KIF26A: variants seen among roughly 807,000 people sequenced by gnomAD.
The protein encoded by KIF26A is kinesin-like protein KIF26A.
A neutral mutation model predicts 126.0 loss-of-function variants in KIF26A; 74 were observed. The observed-to-expected ratio is 0.59, with a 90% confidence interval of 0.49 to 0.71. KIF26A has a LOEUF of 0.71. KIF26A is among the 30% of genes least tolerant of loss of function. The probability of loss-of-function intolerance (pLI) is 0.00; values close to 1 mark genes in which losing one functional copy is unlikely to be tolerated. For synonymous variants in KIF26A, 1,445 were observed against 1,232.7 expected (o/e 1.17, Z -3.61); for missense variants, 2,984 against 2,763.3 (o/e 1.08, Z -1.79).
rs1186665963 is a variant in KIF26A, at chr14:104,139,194, GC to G, written c.195del (p.Gly66GlufsTer142). On this transcript the variant is annotated frameshift_variant, in exon 2 of 15. Transcript: ENST00000423312. LOFTEE classifies it high-confidence loss of function. ...GGCCCAGAGCAGGGCCACTCGGCCG[GC>G]GGAGGCGGCTGGTGCCGCCACTGCC... Reference protein sequence around the residue: ...GAGPEQGHSAGGGGWCRHCHT... With the variant: ...GAGPEQGHSAXGGGWCRHCHT... 1 of 1,548,000 alleles carries G rather than the reference GC, an allele frequency of 6.5e-7. No individual in the cohort carries two copies. Among genetic ancestry groups the G allele is most frequent in the Non-Finnish European group, 8.7e-7 (1 of 1,147,212 alleles).
Position 104,175,384 on chromosome 14 carries a change from G to A in KIF26A, c.2596G>A (p.Gly866Arg), listed in dbSNP as rs779918856. Residue 866 changes from glycine to arginine, a missense_variant, in exon 12 of 15, where the codon GGA (glycine) becomes AGA (arginine). Gly to Arg is a moderately radical substitution (Grantham distance 125). Transcript: ENST00000423312. ...CTCAGGAGGTCCAGGTGGCACCGAC[G>A]GAGCTCAGGCCAGCCCCGCCCGAGG... ...GPSGGPGGTDGAQASPARGGR... is the reference protein window; with the variant it reads ...GPSGGPGGTDRAQASPARGGR... 2.9e-5 allele frequency: 46 copies of A among 1,597,978 alleles called. No individual in the cohort carries two copies. Among genetic ancestry groups the A allele is most frequent in the Admixed American group, 2.7e-4 (16 of 59,550 alleles).
At chr14:104,165,551 G>C (rs1329854594) in intron 4 of KIF26A, among the ~76,000 whole-genome samples, 1 of 147,538 alleles carries the variant, frequency 6.8e-6, no homozygotes, top group Admixed American at 6.7e-5. Context: ...ATGCGTGTGT[G>C]TGTGTCTGTG....
In KIF26A at chr14:104,151,055, T is replaced by TG. The variant is rs1425904604; in HGVS notation, c.289-956dup. Among the ~76,000 whole-genome samples, 1 of 151,994 alleles carries TG rather than the reference T, an allele frequency of 6.6e-6. No homozygotes were observed. Among genetic ancestry groups the TG allele is most frequent in the Non-Finnish European group, 1.5e-5 (1 of 67,964 alleles). On this transcript the variant is annotated intron_variant, in intron 2 of 14. Coordinates refer to ENST00000423312, the MANE Select transcript of KIF26A (RefSeq NM_015656.2). The surrounding 1 kb of genome is among the most constrained non-coding windows in gnomAD (Gnocchi z 4.9). ...AAGGAGGGGCAAGGCCAGAGCCTGG[T>TG]GGGGTGGTGAGGGACACGGGTGGGC...
intron 10 of KIF26A, 120 bp downstream of exon 10, chr14:104,173,988 C>G (rs1463633290): frequency 3.5e-6 from 5 of 1,411,902 alleles, no homozygotes; most frequent in African/African-American, 2.9e-5. Flanking sequence ...GCTCCTCCAC[C>G]ACCTGACAGG....
chr14:104,147,924 A>G (rs1444860412), intron 2 of KIF26A, among the ~76,000 whole-genome samples: 1 of 151,944 alleles, frequency 6.6e-6, no homozygotes, highest in Non-Finnish European at 1.5e-5. Context: ...CTTTGTGGAG[A>G]CGGGTGATGG....
At chr14:104,140,842 A>G (rs1394060978) in intron 2 of KIF26A, among the ~76,000 whole-genome samples, 1 of 151,998 alleles carries the variant, frequency 6.6e-6, no homozygotes, top group African/African-American at 2.4e-5. Flanking sequence ...TGGCGCTGGC[A>G]CTCAGCACAC....
In KIF26A at chr14:104,176,637, G is replaced by C. The variant is rs766492490; in HGVS notation, c.3849G>C (p.Val1283=). The part of the protein sequence containing the change: ...AQVMLACAQR[V]VDGCEVAARA... ...TGATGCTAGCCTGTGCCCAGAGAGT[G>C]GTGGACGGGTGTGAGGTGGCAGCCA... The change falls in exon 12 of 15, where the codon GTG becomes GTC. Residue 1283 remains valine (V), a synonymous_variant. Transcript: ENST00000423312. 1 of 1,605,964 alleles carries C rather than the reference G, an allele frequency of 6.2e-7. No individual in the cohort carries two copies. The highest frequency in any genetic ancestry group is 1.1e-5 in the South Asian group (1 of 90,794).
chr14:104,169,209 T>A (rs989098328), intron 5 of KIF26A, among the ~76,000 whole-genome samples: 2 of 152,072 alleles, frequency 1.3e-5, no homozygotes, highest in Non-Finnish European at 2.9e-5. Context: ...AGGTCAGGTG[T>A]GGGCGGTGGT....
chr14:104,140,870 C>A (rs974975656), intron 2 of KIF26A, among the ~76,000 whole-genome samples: 1 of 152,196 alleles, frequency 6.6e-6, no homozygotes. Context: ...CCGGGCTGGT[C>A]TCAGCCAGGG....
chr14:104,157,998 G>C (rs2141100658), intron 4 of KIF26A, 56 bp downstream of exon 4: 12 of 1,437,904 alleles, frequency 8.3e-6, no homozygotes, highest in Non-Finnish European at 1.1e-5. Context: ...GGCCCCGGCT[G>C]TGGGCCCCTG....
Position 104,139,244 on chromosome 14 carries a change from C to T in KIF26A, c.244C>T (p.Arg82Ter), listed in dbSNP as rs1357597845. 1 of 1,555,184 alleles carries T rather than the reference C, an allele frequency of 6.4e-7. No individual in the cohort carries two copies. Among genetic ancestry groups the T allele is most frequent in the Non-Finnish European group, 8.7e-7 (1 of 1,152,666 alleles). ...CCACACGAAGCTGGTGGAGCTCAAGCGACAGGCGTGGAAGCTGGTCAGCGG... is the reference window on the plus strand; with the variant it reads ...CCACACGAAGCTGGTGGAGCTCAAGTGACAGGCGTGGAAGCTGGTCAGCGG... ...HCHTKLVELKRQAWKLVSGPG... is the reference protein window; with the variant it reads ...HCHTKLVELK The change falls in exon 2 of 15, where the codon CGA becomes TGA. Residue 82 changes from arginine (R) to a stop codon, truncating the protein, a stop_gained. Coordinates refer to ENST00000423312, the MANE Select transcript of KIF26A (RefSeq NM_015656.2). LOFTEE classifies it high-confidence loss of function.
intron 5 of KIF26A, among the ~76,000 whole-genome samples, chr14:104,170,056 C>T (rs971673496): frequency 2.6e-5 from 4 of 152,200 alleles, no homozygotes; most frequent in East Asian, 1.9e-4. Context: ...GTTGTGAGCC[C>T]GCTCTGCGAT....
chr14:104,145,853 C>G (rs2037676073), intron 2 of KIF26A, among the ~76,000 whole-genome samples: 1 of 152,222 alleles, frequency 6.6e-6, no homozygotes, highest in South Asian at 2.1e-4. Context: ...TGCTCTCGTC[C>G]CTAGGGCCCC....
At chr14:104,157,732 A>G (rs765361192) in intron 3 of KIF26A, 23 bp from the exon 4 acceptor site, 3 of 1,605,724 alleles carry the variant, frequency 1.9e-6, no homozygotes, top group Non-Finnish European at 2.5e-6. Context: ...CGTTCCTTAT[A>G]CGCACTCTCT....
At chr14:104,142,140 A>G (rs1370287167) in intron 2 of KIF26A, among the ~76,000 whole-genome samples, 1 of 152,012 alleles carries the variant, frequency 6.6e-6, no homozygotes, top group African/African-American at 2.4e-5. Flanking sequence ...TCCCTGTGGC[A>G]TGGATAAGAC....
At chr14:104,179,468 C>G in intron 14 of KIF26A, 82 bp downstream of exon 14, 2 of 1,430,468 alleles carry the variant, frequency 1.4e-6, no homozygotes, top group Non-Finnish European at 1.8e-6. Context: ...CCCTGTTGCT[C>G]TCCTGTACCT....
At position 104,177,235 on chromosome 14, in the gene KIF26A, G is replaced by A. The variant is rs775132075; in HGVS notation, c.4447G>A (p.Gly1483Ser). ...CGGTCCAGCTCCCGCCTGTAGGAGC[G>A]GCGCAGCCAAGGCTGTGGGGGCCCC... is the stretch of plus-strand genomic sequence containing the variant. Reference protein sequence around the residue: ...THGPAPACRSGAAKAVGAPKP... With the variant: ...THGPAPACRSSAAKAVGAPKP... Residue 1483 changes from glycine (G) to serine (S), a missense_variant, in exon 12 of 15, where the codon GGC becomes AGC. By Grantham distance (56) the Gly-to-Ser change is moderately conservative (BLOSUM62 0). Coordinates refer to ENST00000423312, the MANE Select transcript of KIF26A (RefSeq NM_015656.2). 1.2e-5 allele frequency: 19 copies of A among 1,596,954 alleles called. No homozygotes were observed. The highest frequency in any genetic ancestry group is 3.4e-5 in the Admixed American group (2 of 59,508).
chr14:104,179,840 G>A lies in KIF26A; in HGVS notation c.*50G>A. The A allele has an allele frequency of 6.8e-7, 1 of 1,467,354 alleles. No individual in the cohort carries two copies. The highest frequency in any genetic ancestry group is 9.0e-7 in the Non-Finnish European group (1 of 1,106,892). The allele number at this position is 1,467,354 out of a possible 1,614,324, so 90.9% of individuals were successfully genotyped here. ...GGGCGTGCAGCGGGCTGGAGGACGG[G>A]ACGTGGGACGGAGCGAGGATGTGGT... On this transcript the variant is annotated 3_prime_UTR_variant, in exon 15 of 15. Transcript: ENST00000423312.
chr14:104,150,964 C>T (rs2037723941), intron 2 of KIF26A, among the ~76,000 whole-genome samples: 1 of 152,122 alleles, frequency 6.6e-6, no homozygotes, highest in African/African-American at 2.4e-5. Flanking sequence ...AGGGCCTGGC[C>T]CCCTCCCCAG....
Sources: allele counts gnomAD v4.1 joint callset (sites outside exome capture counted in the v4.1 genomes callset), GRCh38; gene constraint gnomAD v4.1.1; non-coding constraint Gnocchi (gnomAD v3.1); transcripts MANE v1.5; gene names NCBI Gene and HGNC (gene_info 2026-07-23, HGNC 2026-07-21).